The following CHMP3 variants were observed in gnomAD, a reference collection of about 807,000 sequenced individuals.
CHMP3 encodes the protein 25.1 protein.
In CHMP3, 8 loss-of-function variants were observed where a neutral mutation model predicts 27.4. The ratio of observed to expected loss-of-function variants is 0.29; its 90% CI spans 0.17 to 0.53. The LOEUF is 0.53. Among genes scored for constraint, CHMP3 ranks in the 20% least tolerant of loss-of-function variants. The pLI, the probability that CHMP3 is intolerant of heterozygous loss-of-function variation, is 0.96. For synonymous variants in CHMP3, 86 were observed against 85.5 expected, an observed-to-expected ratio of 1.01 and a Z score of -0.03; for missense variants, 208 against 271.5, an observed-to-expected ratio of 0.77 and a Z score of 1.64.
At position 86,505,763 on chromosome 2, in the gene CHMP3, CT is replaced by C; in HGVS notation, c.*40del. 6.7e-7 allele frequency: 1 copy of C among 1,484,914 alleles called. No homozygotes were observed. The highest frequency in any genetic ancestry group is 9.0e-7 in the Non-Finnish European group (1 of 1,110,478). The allele number at this position is 1,484,914 out of a possible 1,614,324, so 92.0% of individuals were successfully genotyped here. On this transcript the variant is annotated 3_prime_UTR_variant, in exon 6 of 6. Transcript: ENST00000263856. ...GCAAGAGACACATAAAATGGCAGCT[CT>C]TGAGAGGAGTGTGTGCACACCCAGC...
At chr2:86,515,282 TA>T (rs1320556404) in intron 3 of CHMP3, 5 of 152,202 alleles carry the variant, frequency 3.3e-5, no homozygotes, top group Admixed American at 2.0e-4. Flanking sequence ...GTTCCAATTT[TA>T]GTATATGTGC....
At chr2:86,560,269 A>G (rs1181330667) in intron 1 of CHMP3, among the ~76,000 whole-genome samples, 12 of 152,308 alleles carry the variant, frequency 7.9e-5, no homozygotes, top group Non-Finnish European at 1.6e-4. Context: ...CTCAAAAAAA[A>G]AAAATTATTG....
chr2:86,522,602 C>T (rs1004271729), intron 3 of CHMP3, among the ~76,000 whole-genome samples: 2 of 152,156 alleles, frequency 1.3e-5, no homozygotes, highest in Admixed American at 1.3e-4. Context: ...CAGTCTCTTT[C>T]CAGGCTCAAA....
intron 1 of CHMP3, chr2:86,562,017 A>G (rs562828783): frequency 1.3e-5 from 2 of 152,358 alleles, no homozygotes; most frequent in Admixed American, 6.5e-5. Context: ...CATCTATATA[A>G]TGTTCTATAG....
At chr2:86,527,434 T>C (rs1439168628) in intron 3 of CHMP3, among the ~76,000 whole-genome samples, 2 of 152,156 alleles carry the variant, frequency 1.3e-5, no homozygotes, top group African/African-American at 2.4e-5. Flanking sequence ...AAGCTTATCA[T>C]GGTCAACTGA....
At chr2:86,522,673 C>T (rs1219347724) in intron 3 of CHMP3, among the ~76,000 whole-genome samples, 10 of 152,168 alleles carry the variant, frequency 6.6e-5, no homozygotes, top group Non-Finnish European at 1.5e-4. Context: ...CTGTCTTCTA[C>T]TCCATTCTCA....
intron 3 of CHMP3, among the ~76,000 whole-genome samples, chr2:86,524,473 GC>G (rs1463704958): frequency 1.3e-5 from 2 of 152,084 alleles, no homozygotes; most frequent in African/African-American, 4.8e-5. Context: ...ACACGTATAA[GC>G]TTTTTGTCAT....
chr2:86,520,254 G>C (rs771441065), intron 3 of CHMP3, among the ~76,000 whole-genome samples: 2 of 152,182 alleles, frequency 1.3e-5, no homozygotes, highest in Non-Finnish European at 2.9e-5. Flanking sequence ...AAGAAAAGAG[G>C]TTTAATCAGC....
At chr2:86,526,437 T>A (rs966394068) in intron 3 of CHMP3, among the ~76,000 whole-genome samples, 3 of 152,190 alleles carry the variant, frequency 2.0e-5, no homozygotes, top group African/African-American at 7.2e-5. Context: ...GCTGGAAATA[T>A]AAATTAGTAA....
At chr2:86,521,744 T>C (rs1439966662) in intron 3 of CHMP3, among the ~76,000 whole-genome samples, 1 of 152,262 alleles carries the variant, frequency 6.6e-6, no homozygotes, top group Non-Finnish European at 1.5e-5. Context: ...GTCCATATTG[T>C]TGTAGCATAA....
Position 86,554,816 on chromosome 2 carries a change from C to CGCGTGT in CHMP3, c.45+8487_45+8488insACACGC, listed in dbSNP as rs138168191. Among the ~76,000 whole-genome samples, 7 of 145,442 alleles carry CGCGTGT rather than the reference C, an allele frequency of 4.8e-5. No individual in the cohort carries two copies. In the South Asian group the frequency reaches 6.5e-4, roughly 13 times the overall value. ...TCAATAGAATAAATGTGTGTGCGCG[C>CGCGTGT]GTGTGTGTGTGTGTGTGTGTGTGTG... On this transcript the variant is annotated intron_variant, in intron 1 of 5. Transcript: ENST00000263856.
intron 2 of CHMP3, among the ~76,000 whole-genome samples, chr2:86,534,879 T>C (rs1449783627): frequency 6.6e-6 from 1 of 152,202 alleles, no homozygotes; most frequent in Non-Finnish European, 1.5e-5. Context: ...GTAGACAGTA[T>C]ATATGTTTTT....
chr2:86,547,696 G>A (rs1676665308), intron 1 of CHMP3, among the ~76,000 whole-genome samples: 1 of 152,166 alleles, frequency 6.6e-6, no homozygotes, highest in Admixed American at 6.5e-5. Flanking sequence ...TCTCATAACT[G>A]TAAAGACTAC....
intron 3 of CHMP3, among the ~76,000 whole-genome samples, chr2:86,512,968 C>T (rs1399545702): frequency 6.6e-6 from 1 of 152,220 alleles, no homozygotes; most frequent in Non-Finnish European, 1.5e-5. Context: ...CAAAGCCAGA[C>T]ACACACCTAC....
chr2:86,542,169 T>G, intron 2 of CHMP3, 83 bp downstream of exon 2: 2 of 1,383,536 alleles, frequency 1.4e-6, no homozygotes, highest in Non-Finnish European at 2.0e-6. Flanking sequence ...TGTCTTATGA[T>G]ATATAAATGC....
intron 1 of CHMP3, among the ~76,000 whole-genome samples, chr2:86,543,846 T>A (rs1177601653): frequency 6.6e-6 from 1 of 152,200 alleles, no homozygotes; most frequent in African/African-American, 2.4e-5. Context: ...TTTATGTACT[T>A]TTTTTGGAAG....
Position 86,505,888 on chromosome 2 carries a change from T to C in CHMP3, c.585A>G (p.Gly195=). ...TDALPEPEPP[G]AMAASEDEEE... is the part of the protein sequence containing the mutation. ...CCTCATCCTCTGAGGCAGCCATCGC[T>C]CCTGGAGGTTCTGGCTCTGGAAGGG... Residue 195 remains glycine (G), a synonymous_variant, in exon 6 of 6, where the codon GGA becomes GGG. Coordinates refer to ENST00000263856, the MANE Select transcript of CHMP3 (RefSeq NM_016079.4). 1 of 1,596,880 alleles carries C rather than the reference T, an allele frequency of 6.3e-7. No individual in the cohort carries two copies. Among genetic ancestry groups the C allele is most frequent in the Non-Finnish European group, 8.5e-7 (1 of 1,170,654 alleles).
chr2:86,563,424 C>A lies in CHMP3; in HGVS notation c.-76G>T. 2 of 1,540,518 alleles carry A rather than the reference C, an allele frequency of 1.3e-6. No homozygotes were observed. The highest frequency in any genetic ancestry group is 1.2e-5 in the South Asian group (1 of 83,802). On this transcript the variant is annotated 5_prime_UTR_variant, in exon 1 of 6. Coordinates refer to ENST00000263856, the MANE Select transcript of CHMP3 (RefSeq NM_016079.4). ...GGCAGGTCACGGGCAGCCGCCTGGG[C>A]GGGGCCCGCGGAAAAGGAGGTAGTC...
chr2:86,525,445 CT>C (rs1366373352), intron 3 of CHMP3, among the ~76,000 whole-genome samples: 1 of 151,434 alleles, frequency 6.6e-6, no homozygotes, highest in African/African-American at 2.4e-5. Flanking sequence ...TCCTTTCCCG[CT>C]TTTCTCCATT....
Sources: gnomAD v4.1 joint callset for allele counts (sites outside exome capture counted in the v4.1 genomes callset) on GRCh38, gnomAD v4.1.1 for gene constraint, MANE v1.5 for transcripts, NCBI Gene and HGNC (gene_info 2026-07-23, HGNC 2026-07-21) for gene names.